The following HDAC9 variants were observed in gnomAD, a reference collection of about 807,000 sequenced individuals.
HDAC9 encodes histone deacetylase 9.
Under a neutral mutation model 139.4 loss-of-function variants are expected in HDAC9, and 41 were observed. The ratio of observed to expected loss-of-function variants is 0.29; its 90% CI spans 0.23 to 0.38. HDAC9 has a LOEUF of 0.38. Among genes scored for constraint, HDAC9 ranks in the 10% least tolerant of loss-of-function variants. The pLI is 1.00. For missense variants in HDAC9, 1,147 were observed against 1,297.0 expected (o/e 0.88, Z 1.78); for synonymous variants, 517 against 476.2 (o/e 1.09, Z -1.12).
intron 12 of HDAC9, among the ~76,000 whole-genome samples, chr7:18,692,406 A>G (rs1004226102): frequency 1.4e-4 from 21 of 152,254 alleles, no homozygotes; most frequent in African/African-American, 4.8e-4. Context: ...CATTTTTAAA[A>G]TGTTACTTTT....
At chr7:18,793,511 T>C (rs1045564276) in intron 17 of HDAC9, 59 bp downstream of exon 17, 1 of 1,115,776 alleles carries the variant, frequency 9.0e-7, no homozygotes, top group Non-Finnish European at 1.3e-6. Flanking sequence ...AACAGAGATG[T>C]TGTTATGTGG....
intron 24 of HDAC9, among the ~76,000 whole-genome samples, chr7:18,971,627 A>T (rs1440814384): frequency 6.6e-6 from 1 of 152,204 alleles, no homozygotes; most frequent in African/African-American, 2.4e-5. Flanking sequence ...TTCCATTTCA[A>T]TTATTCTCCT....
rs1328819898 is a variant in HDAC9 at position 18,136,997 on chromosome 7, T to C, written c.-96-25232T>C. Among the ~76,000 whole-genome samples, 49 of 142,910 alleles carry C rather than the reference T, an allele frequency of 3.4e-4. 2 individuals carry two copies. The highest frequency in any genetic ancestry group is 4.6e-5 in the Non-Finnish European group (3 of 65,536). 93.8% of individuals were successfully genotyped at this position (142,910 alleles called of 152,430 possible). On this transcript the variant is annotated intron_variant, in intron 1 of 12. Transcript: ENST00000417496. The stretch of plus-strand genomic sequence containing the variant: ...TATTTCCTTGAGCAGTGGTTTGTAG[T>C]TCTCCTTGAAGAGGTCCTTCACATC...
At position 18,573,952 on chromosome 7, in the gene HDAC9, C is replaced by T. The variant is rs149423362; in HGVS notation, c.23-11329C>T. Among the ~76,000 whole-genome samples, 15 of 152,308 alleles carry T rather than the reference C, an allele frequency of 9.8e-5. No individual in the cohort carries two copies. The East Asian group carries it at 1.7e-3, about 18-fold the overall frequency. ...TGGCAAGCGGGAGGGTGTGTTTCAGCCCTGTTCGTGTTAACAGCTCTTTTA... is the reference window on the plus strand; with the variant it reads ...TGGCAAGCGGGAGGGTGTGTTTCAGTCCTGTTCGTGTTAACAGCTCTTTTA... On this transcript the variant is annotated intron_variant, in intron 2 of 25. Transcript: ENST00000686413.
chr7:18,245,008 T>TCTATCTAC (rs955207945), intron 2 of HDAC9, among the ~76,000 whole-genome samples: 6 of 151,970 alleles, frequency 3.9e-5, no homozygotes, highest in Non-Finnish European at 5.9e-5. Context: ...TATCTATCTA[T>TCTATCTAC]CTATCTATCT....
intron 16 of HDAC9, among the ~76,000 whole-genome samples, chr7:18,769,260 T>C (rs538728761): frequency 5.4e-4 from 82 of 152,208 alleles, no homozygotes; most frequent in Non-Finnish European, 1.1e-3. Context: ...AATTGACTTC[T>C]TATTTCTCAC....
intron 2 of HDAC9, among the ~76,000 whole-genome samples, chr7:18,247,301 G>A (rs1450010502): frequency 6.6e-6 from 1 of 151,998 alleles, no homozygotes; most frequent in Non-Finnish European, 1.5e-5. Flanking sequence ...GCCACGTGGT[G>A]AGCACTGGGG....
rs541029962 is a variant in HDAC9, at chr7:18,495,954, G to A, written c.-111G>A. On this transcript the variant is annotated 5_prime_UTR_variant, in exon 1 of 26. Transcript: ENST00000686413. The stretch of plus-strand genomic sequence containing the variant: ...GCACGTTCCTATTTCCCACCTGCTT[G>A]TAGTTTCCGGGATAACCTAAACTCC... The A allele has an allele frequency of 7.7e-5, 96 of 1,253,116 alleles. No individual in the cohort carries two copies. In the African/African-American group the frequency reaches 1.4e-3, roughly 19 times the overall value. The allele number at this position is 1,253,116 out of a possible 1,614,324, so 77.6% of individuals were successfully genotyped here. A position where few individuals can be genotyped will look rare whatever the true frequency, so the allele number is the denominator to read the frequency against.
chr7:18,411,918 C>T (rs1788599147), intron 1 of HDAC9, among the ~76,000 whole-genome samples: 1 of 150,410 alleles, frequency 6.6e-6, no homozygotes, highest in Non-Finnish European at 1.5e-5. Context: ...CTCCACCTCC[C>T]GGGTTCAGGT....
At chr7:18,928,232 A>G (rs1326420027) in intron 22 of HDAC9, among the ~76,000 whole-genome samples, 4 of 152,196 alleles carry the variant, frequency 2.6e-5, no homozygotes, top group African/African-American at 7.2e-5. Flanking sequence ...TCCATTTGCA[A>G]TTTTGTAATA....
rs569629562 is a variant in HDAC9 at position 18,469,199 on chromosome 7, G to A, written c.-41-27063G>A. Among the ~76,000 whole-genome samples the A allele has an allele frequency of 3.3e-5, 5 of 152,274 alleles. 1 individual carries two copies. The highest frequency in any genetic ancestry group is 1.9e-4 in the East Asian group (1 of 5,178). On this transcript the variant is annotated intron_variant, in intron 1 of 3. Transcript: ENST00000413509. ...TAAGATTTTTTTATTGTGGACCTAT[G>A]TATGTGTATGTGATTTTTTAAAACT...
At chr7:18,469,895 T>C (rs1694618522) in intron 1 of HDAC9, among the ~76,000 whole-genome samples, 1 of 152,156 alleles carries the variant, frequency 6.6e-6, no homozygotes, top group Non-Finnish European at 1.5e-5. Context: ...CGCCCAGATG[T>C]GTTTTCTTGC....
intron 2 of HDAC9, among the ~76,000 whole-genome samples, chr7:18,208,777 T>G (rs991463779): frequency 6.6e-6 from 1 of 152,112 alleles, no homozygotes; most frequent in African/African-American, 2.4e-5. Context: ...GAAAGCAAGC[T>G]AAATAATGAA....
At chr7:18,340,354 A>G (rs1347402673) in intron 1 of HDAC9, among the ~76,000 whole-genome samples, 1 of 151,508 alleles carries the variant, frequency 6.6e-6, no homozygotes, top group African/African-American at 2.4e-5. Flanking sequence ...TAGACCATAT[A>G]CCTTTAGTGT....
intron 2 of HDAC9, among the ~76,000 whole-genome samples, chr7:18,500,637 G>A (rs1798119348): frequency 6.6e-6 from 1 of 152,110 alleles, no homozygotes; most frequent in Non-Finnish European, 1.5e-5. Flanking sequence ...TTCTCTTGTG[G>A]CTGAGAAATA....
At chr7:18,692,660 G>A (rs182384483) in intron 12 of HDAC9, among the ~76,000 whole-genome samples, 67 of 152,206 alleles carry the variant, frequency 4.4e-4, no homozygotes, top group Non-Finnish European at 9.0e-4. Flanking sequence ...AACTAATGGA[G>A]ATCTAGTTAG....
In HDAC9 at chr7:18,576,764, T is replaced by TA. The variant is rs201052948; in HGVS notation, c.23-8508dup. 4.8e-4 allele frequency among the ~76,000 whole-genome samples: 72 copies of TA among 150,186 alleles called. No homozygotes were observed. In the South Asian group the frequency reaches 5.0e-3, roughly 11 times the overall value. ...TCTGTTTCTCTTGTGTCTGCAATGA[T>TA]AAAAAAAAATACAGGGATACTGGAG... On this transcript the variant is annotated intron_variant, in intron 2 of 25. Transcript: ENST00000686413.
intron 1 of HDAC9, among the ~76,000 whole-genome samples, chr7:18,357,698 C>T (rs987146925): frequency 4.6e-5 from 7 of 152,046 alleles, no homozygotes; most frequent in Admixed American, 2.6e-4. Flanking sequence ...GTGGCCCTAC[C>T]ACATAAAGGA....
intron 12 of HDAC9, among the ~76,000 whole-genome samples, chr7:18,719,485 T>G (rs1784976497): frequency 6.6e-6 from 1 of 151,664 alleles, no homozygotes; most frequent in African/African-American, 2.4e-5. Context: ...GATTACAGGC[T>G]CACACCACCA....
Sources: allele counts gnomAD v4.1 joint callset (sites outside exome capture counted in the v4.1 genomes callset), GRCh38; gene constraint gnomAD v4.1.1; transcripts MANE v1.5; gene names NCBI Gene and HGNC (gene_info 2026-07-23, HGNC 2026-07-21).